SYT14: variants seen among roughly 807,000 people sequenced by gnomAD.
SYT14 encodes synaptotagmin-14.
SYT14 carries 32 observed loss-of-function variants against 74.2 expected under a neutral mutation model. The observed-to-expected ratio is 0.43, with a 90% CI of 0.33 to 0.58. The LOEUF is 0.58. SYT14 is among the 20% of genes least tolerant of loss of function. The pLI is 0.05. For missense variants in SYT14, 791 were observed against 981.8 expected, an observed-to-expected ratio of 0.81 and a Z score of 2.60; for synonymous variants, 298 against 337.7, an observed-to-expected ratio of 0.88 and a Z score of 1.29.
intron 5 of SYT14, among the ~76,000 whole-genome samples, chr1:210,022,690 T>C (rs981353538): frequency 6.6e-6 from 1 of 152,240 alleles, no homozygotes; most frequent in African/African-American, 2.4e-5. Flanking sequence ...TTAAATGATA[T>C]ATGTGGTACA....
intron 2 of SYT14, among the ~76,000 whole-genome samples, chr1:210,008,809 A>G (rs764855204): frequency 2.5e-4 from 38 of 152,340 alleles, no homozygotes; most frequent in Middle Eastern, 6.8e-3. Context: ...ATGACTTTCT[A>G]AGCAGATTCA....
chr1:209,941,613 T>C (rs1208463748), intron 1 of SYT14, among the ~76,000 whole-genome samples: 1 of 152,240 alleles, frequency 6.6e-6, no homozygotes, highest in Non-Finnish European at 1.5e-5. Context: ...TGGCTTCCAT[T>C]CTTGACCCTG....
intron 1 of SYT14, 87 bp from the exon 2 acceptor site, chr1:209,952,622 T>C: frequency 1.7e-6 from 2 of 1,168,952 alleles, no homozygotes; most frequent in Non-Finnish European, 2.5e-6. Flanking sequence ...AGGTCACTTT[T>C]AGGTGCTAAT....
intron 8 of SYT14, among the ~76,000 whole-genome samples, chr1:210,157,845 A>T (rs2083298958): frequency 6.6e-6 from 1 of 152,112 alleles, no homozygotes; most frequent in Non-Finnish European, 1.5e-5. Flanking sequence ...TAGTTGTCGT[A>T]AAAATTATTT....
At chr1:210,022,683 A>G (rs1377668191) in intron 5 of SYT14, among the ~76,000 whole-genome samples, 1 of 152,210 alleles carries the variant, frequency 6.6e-6, no homozygotes, top group African/African-American at 2.4e-5. Context: ...ATGAAAATTA[A>G]ATGATATATG....
intron 2 of SYT14, among the ~76,000 whole-genome samples, chr1:209,993,623 A>G (rs1227070671): frequency 6.6e-6 from 1 of 152,228 alleles, no homozygotes; most frequent in South Asian, 2.1e-4. Context: ...GGGGTTTGGC[A>G]TATCTCTCTG....
exon 10 of SYT14, chr1:210,167,779 A>C (rs1280510919): frequency 6.6e-6 from 1 of 152,190 alleles, no homozygotes; most frequent in Non-Finnish European, 1.5e-5. Context: ...GAATGTAAAA[A>C]TATTGCTCTT....
At chr1:209,951,458 CA>C (rs2078910715) in intron 1 of SYT14, among the ~76,000 whole-genome samples, 1 of 152,152 alleles carries the variant, frequency 6.6e-6, no homozygotes, top group African/African-American at 2.4e-5. Context: ...TTGCACATGA[CA>C]GAATTTCCTT....
intron 1 of SYT14, among the ~76,000 whole-genome samples, chr1:209,942,360 A>AACCCCC (rs2078747291): frequency 2.3e-4 from 17 of 74,592 alleles, no homozygotes; most frequent in African/African-American, 9.5e-4. Context: ...ATGCAAATTT[A>AACCCCC]CCCCCCCCCC....
chr1:210,023,341 T>C (rs766364260), intron 5 of SYT14, among the ~76,000 whole-genome samples: 7 of 152,030 alleles, frequency 4.6e-5, no homozygotes, highest in Non-Finnish European at 8.8e-5. Context: ...TAGAGGAAAT[T>C]AAAAAAAGAC....
chr1:209,995,006 A>C (rs1431905329), intron 2 of SYT14, among the ~76,000 whole-genome samples: 1 of 152,228 alleles, frequency 6.6e-6, no homozygotes, highest in Non-Finnish European at 1.5e-5. Context: ...CTAAACATGG[A>C]ATCGTAAGAA....
At chr1:209,982,159 A>G (rs1418558559) in intron 2 of SYT14, among the ~76,000 whole-genome samples, 1 of 151,706 alleles carries the variant, frequency 6.6e-6, no homozygotes, top group Non-Finnish European at 1.5e-5. Context: ...ATTAATTATT[A>G]TTATTATTAT....
chr1:209,943,047 T>A (rs1425359913), intron 1 of SYT14, among the ~76,000 whole-genome samples: 2 of 152,190 alleles, frequency 1.3e-5, no homozygotes, highest in Non-Finnish European at 2.9e-5. Context: ...CTTTTGGCTC[T>A]AAGATTTCTA....
intron 7 of SYT14, among the ~76,000 whole-genome samples, chr1:210,142,961 A>G (rs1289813852): frequency 6.6e-6 from 1 of 152,236 alleles, no homozygotes; most frequent in Non-Finnish European, 1.5e-5. Context: ...TATAACGGAG[A>G]AAAATGAGAC....
chr1:210,075,849 C>G (rs566275923), intron 5 of SYT14, among the ~76,000 whole-genome samples: 1 of 152,262 alleles, frequency 6.6e-6, no homozygotes, highest in East Asian at 1.9e-4. Context: ...TATAGATTTT[C>G]TGTTACCAAA....
chr1:210,147,901 T>A (rs2130629), intron 7 of SYT14, among the ~76,000 whole-genome samples: 1 of 152,052 alleles, frequency 6.6e-6, no homozygotes, highest in East Asian at 1.9e-4. Flanking sequence ...GAAAGAACAC[T>A]GCAAGCGGAT....
chr1:210,072,500 A>G (rs1284543540), intron 5 of SYT14, among the ~76,000 whole-genome samples: 1 of 152,012 alleles, frequency 6.6e-6, no homozygotes, highest in East Asian at 1.9e-4. Context: ...ATAGTATTAT[A>G]TTTTTCTACT....
intron 7 of SYT14, among the ~76,000 whole-genome samples, chr1:210,121,786 C>T (rs1343180033): frequency 4.0e-5 from 6 of 148,942 alleles, no homozygotes; most frequent in Non-Finnish European, 8.9e-5. Context: ...AGAGCGAGAC[C>T]CCATTTCAAA....
At chr1:210,017,721 TTCAA>T (rs2080215548) in intron 4 of SYT14, among the ~76,000 whole-genome samples, 1 of 152,170 alleles carries the variant, frequency 6.6e-6, no homozygotes, top group Non-Finnish European at 1.5e-5. Context: ...ATTTATAGTT[TTCAA>T]TCACAGTATT....
Sources: allele counts gnomAD v4.1 joint callset (sites outside exome capture counted in the v4.1 genomes callset), GRCh38; gene constraint gnomAD v4.1.1; transcripts MANE v1.5; gene names NCBI Gene and HGNC (gene_info 2026-07-23, HGNC 2026-07-21).